The following CLMP variants were observed in gnomAD, a reference collection of about 807,000 sequenced individuals.
CLMP encodes the protein CXADR like cell adhesion molecule.
Under a neutral mutation model 45.2 loss-of-function variants are expected in CLMP, and 27 were observed. That is an observed-to-expected ratio of 0.60 (90% CI 0.44 to 0.82). The LOEUF is 0.82. Ranked by LOEUF, CLMP falls within the 40% of genes least tolerant of loss-of-function variation. CLMP has a pLI of 0.00. For synonymous variants in CLMP, 167 were observed against 171.4 expected (o/e 0.97, Z 0.20); for missense variants, 403 against 448.4 (o/e 0.90, Z 0.91).
intron 1 of CLMP, among the ~76,000 whole-genome samples, chr11:123,179,112 T>G (rs1007697766): frequency 6.6e-6 from 1 of 152,130 alleles, no homozygotes; most frequent in Non-Finnish European, 1.5e-5. Flanking sequence ...AAACATCGCT[T>G]TATAAATTGG....
At chr11:123,102,477 C>T (rs1300423908) in intron 1 of CLMP, among the ~76,000 whole-genome samples, 1 of 151,398 alleles carries the variant, frequency 6.6e-6, no homozygotes, top group East Asian at 2.0e-4. Flanking sequence ...GACAGGGTTT[C>T]ACCACGTTGG....
chr11:123,079,617 G>C (rs987016584), intron 5 of CLMP, among the ~76,000 whole-genome samples: 1 of 151,814 alleles, frequency 6.6e-6, no homozygotes, highest in Admixed American at 6.6e-5. Context: ...CTAATTTTTT[G>C]TGTGTTTTTA....
chr11:123,088,467 A>G (rs751984848), intron 2 of CLMP, among the ~76,000 whole-genome samples: 1 of 152,170 alleles, frequency 6.6e-6, no homozygotes, highest in Non-Finnish European at 1.5e-5. Flanking sequence ...ATAATCACCT[A>G]CAATGAAGTC....
intron 1 of CLMP, among the ~76,000 whole-genome samples, chr11:123,098,881 G>GAA (rs1866021849): frequency 6.6e-6 from 1 of 151,748 alleles, no homozygotes; most frequent in Non-Finnish European, 1.5e-5. Context: ...TTTTAGTAGA[G>GAA]ACGGGGTTTC....
chr11:123,169,961 C>T (rs987728259), intron 1 of CLMP, among the ~76,000 whole-genome samples: 1 of 152,106 alleles, frequency 6.6e-6, no homozygotes, highest in African/African-American at 2.4e-5. Context: ...GTTGTAAAGA[C>T]CAAGGTTCTT....
intron 2 of CLMP, among the ~76,000 whole-genome samples, chr11:123,089,853 ATT>A (rs1193237798): frequency 6.6e-6 from 1 of 151,672 alleles, no homozygotes; most frequent in East Asian, 1.9e-4. Context: ...TAATCTCAGC[ATT>A]TTGGGAGACC....
intron 5 of CLMP, among the ~76,000 whole-genome samples, chr11:123,079,688 G>A (rs866801625): frequency 4.0e-5 from 6 of 151,862 alleles, no homozygotes; most frequent in Non-Finnish European, 7.4e-5. Flanking sequence ...CTCGTGATCC[G>A]CCCGCCTCGA....
intron 1 of CLMP, among the ~76,000 whole-genome samples, chr11:123,133,335 T>C (rs1301730600): frequency 2.0e-5 from 3 of 152,140 alleles, no homozygotes; most frequent in Non-Finnish European, 4.4e-5. Flanking sequence ...TTACTCCAGT[T>C]TTATTAAGAA....
chr11:123,191,628 T>C (rs1243440845), intron 1 of CLMP: 1 of 152,238 alleles, frequency 6.6e-6, no homozygotes, highest in Non-Finnish European at 1.5e-5. Flanking sequence ...ACTGGTCCTA[T>C]TTGCATTAAT....
intron 1 of CLMP, among the ~76,000 whole-genome samples, chr11:123,151,292 A>G (rs1861334558): frequency 1.3e-5 from 2 of 152,224 alleles, no homozygotes; most frequent in Non-Finnish European, 2.9e-5. Flanking sequence ...AAGTCCACAT[A>G]TGGAAATGGC....
intron 1 of CLMP, among the ~76,000 whole-genome samples, chr11:123,156,819 A>T (rs1861421513): frequency 6.6e-6 from 1 of 152,230 alleles, no homozygotes; most frequent in Admixed American, 6.5e-5. Flanking sequence ...CCCCAGCAGC[A>T]GTGCACATGG....
At position 123,090,239 on chromosome 11, in the gene CLMP, A is replaced by T. The variant is rs538313592; in HGVS notation, c.187-5526T>A. The stretch of plus-strand genomic sequence containing the variant: ...GGTGGGTGGATCACGAGGTCAGGAG[A>T]TTGAGACCAGCCTGGCCAACATTGC... On this transcript the variant is annotated intron_variant, in intron 2 of 6. Transcript: ENST00000448775. 1.6e-3 allele frequency among the ~76,000 whole-genome samples: 242 copies of T among 149,262 alleles called. 1 individual carries two copies. The highest frequency in any genetic ancestry group is 5.7e-3 in the African/African-American group (230 of 40,442).
intron 5 of CLMP, among the ~76,000 whole-genome samples, chr11:123,081,863 AAAAAAAAAAAAAAAGG>A (rs1443132061): frequency 6.0e-5 from 7 of 117,530 alleles, no homozygotes; most frequent in Non-Finnish European, 1.2e-4. Context: ...CCCTGTCCAG[AAAAAAAAAAAAAAAGG>A]AAAAAAAGAA....
chr11:123,123,603 G>A (rs528745421), intron 1 of CLMP, among the ~76,000 whole-genome samples: 1 of 152,250 alleles, frequency 6.6e-6, no homozygotes, highest in African/African-American at 2.4e-5. Flanking sequence ...CCATGAGGAA[G>A]TGCGGCGTAC....
chr11:123,122,284 T>C (rs1359149679), intron 1 of CLMP, among the ~76,000 whole-genome samples: 1 of 152,196 alleles, frequency 6.6e-6, no homozygotes, highest in Non-Finnish European at 1.5e-5. Context: ...GTACTGGGAT[T>C]ACAGGCGTGA....
chr11:123,192,770 CCT>C (rs10596021), intron 1 of CLMP, among the ~76,000 whole-genome samples: 4,322 of 152,202 alleles, frequency 0.028, 67 homozygotes, highest in African/African-American at 0.044. Flanking sequence ...CCTCCCAGCC[CCT>C]GTTTGATACT....
At chr11:123,181,062 A>G (rs1861762254) in intron 1 of CLMP, among the ~76,000 whole-genome samples, 1 of 152,292 alleles carries the variant, frequency 6.6e-6, no homozygotes, top group African/African-American at 2.4e-5. Context: ...AGGGGAAAGA[A>G]CAATGCGCAA....
intron 1 of CLMP, among the ~76,000 whole-genome samples, chr11:123,133,208 C>T (rs565983556): frequency 1.2e-4 from 18 of 152,256 alleles, no homozygotes; most frequent in African/African-American, 3.4e-4. Flanking sequence ...GCTGGAAAAG[C>T]GTAATGGAGC....
intron 1 of CLMP, among the ~76,000 whole-genome samples, chr11:123,183,075 A>G (rs1049180246): frequency 6.6e-6 from 1 of 152,194 alleles, no homozygotes; most frequent in African/African-American, 2.4e-5. Context: ...ATGTGCCTTC[A>G]GTACTTGCTC....
Sources: allele counts gnomAD v4.1 joint callset (sites outside exome capture counted in the v4.1 genomes callset), GRCh38; gene constraint gnomAD v4.1.1; transcripts MANE v1.5; gene names NCBI Gene and HGNC (gene_info 2026-07-23, HGNC 2026-07-21).